PLEKHB2: variants seen among roughly 807,000 people sequenced by gnomAD.
PLEKHB2 encodes pleckstrin homology domain containing B2, also known as pleckstrin homology domain-containing family B member 2.
In PLEKHB2, 31 loss-of-function variants were observed where a neutral mutation model predicts 36.5. The observed-to-expected ratio is 0.85, with a 90% CI of 0.64 to 1.15. The LOEUF (loss-of-function observed/expected upper bound fraction) is 1.15. PLEKHB2 is among the 50% of genes most tolerant of loss of function. The pLI is 0.00. For synonymous variants in PLEKHB2, 119 were observed against 112.0 expected (o/e 1.06, Z -0.39); for missense variants, 262 against 295.3 (o/e 0.89, Z 0.83).
intron 1 of PLEKHB2, among the ~76,000 whole-genome samples, chr2:131,105,817 A>C (rs1393491503): frequency 2.0e-5 from 3 of 151,898 alleles, no homozygotes; most frequent in African/African-American, 4.8e-5. Flanking sequence ...AGTGTCCCAC[A>C]TGTCTGACTG....
At chr2:131,105,652 C>G (rs1275581582) in intron 1 of PLEKHB2, among the ~76,000 whole-genome samples, 1 of 152,170 alleles carries the variant, frequency 6.6e-6, no homozygotes, top group Non-Finnish European at 1.5e-5. Flanking sequence ...TTCGAGAGCC[C>G]TCCCAGTGGG....
rs1697149883 is a variant in PLEKHB2 at position 131,126,804 on chromosome 2, A to G, written c.293+18A>G. On this transcript the variant is annotated intron_variant, in intron 4 of 7. Transcript: ENST00000693505. ...GATTGCTTGTAAGTTTTGCTTTCTT[A>G]TGTGTTTAATTTAAAAAGTATTTTC... 1.5e-6 allele frequency: 2 copies of G among 1,343,278 alleles called. No homozygotes were observed. The highest frequency in any genetic ancestry group is 4.6e-5 in the East Asian group (2 of 43,702). 83.2% of individuals were successfully genotyped at this position (1,343,278 alleles called of 1,614,324 possible).
intron 2 of PLEKHB2, among the ~76,000 whole-genome samples, chr2:131,121,961 C>T (rs1034359830): frequency 8.6e-5 from 13 of 152,010 alleles, no homozygotes; most frequent in South Asian, 4.1e-4. Flanking sequence ...TGCCCAGGCG[C>T]GATCTTGGCT....
At chr2:131,107,239 C>T (rs1694835009) in intron 1 of PLEKHB2, among the ~76,000 whole-genome samples, 1 of 152,150 alleles carries the variant, frequency 6.6e-6, no homozygotes, top group Non-Finnish European at 1.5e-5. Flanking sequence ...GCTAATTGAC[C>T]CAGTTGTTTT....
chr2:131,130,833 T>C (rs1697601084), intron 5 of PLEKHB2, 73 bp downstream of exon 5: 3 of 1,070,290 alleles, frequency 2.8e-6, no homozygotes, highest in South Asian at 1.3e-5. Flanking sequence ...CAGGCTTGAG[T>C]GCAGTGGTGC....
intron 2 of PLEKHB2, among the ~76,000 whole-genome samples, chr2:131,123,783 C>G (rs1489296445): frequency 9.3e-6 from 1 of 107,942 alleles, no homozygotes; most frequent in Admixed American, 8.4e-5. Flanking sequence ...CCACCCCCCC[C>G]CCCGCCCCCC....
At chr2:131,139,709 A>C (rs1201400933) in intron 6 of PLEKHB2, among the ~76,000 whole-genome samples, 1 of 152,170 alleles carries the variant, frequency 6.6e-6, no homozygotes, top group African/African-American at 2.4e-5. Context: ...GGGCACCCTC[A>C]TCTTCCATAT....
intron 1 of PLEKHB2, among the ~76,000 whole-genome samples, chr2:131,106,621 G>A (rs1392253687): frequency 6.6e-6 from 1 of 152,130 alleles, no homozygotes; most frequent in Non-Finnish European, 1.5e-5. Flanking sequence ...GCTCAGGAGT[G>A]TTCCCTAGGT....
intron 1 of PLEKHB2, chr2:131,118,867 CAAAAAAAAAAAAAAAAA>C (rs138450500): frequency 0.01 from 461 of 45,242 alleles, 17 homozygotes; most frequent in African/African-American, 0.032. Flanking sequence ...GATTCCGTCT[CAAAAAAAAAAAAAAAAA>C]AAAAAAAAAA....
chr2:131,111,235 C>T (rs569353649), intron 1 of PLEKHB2, among the ~76,000 whole-genome samples: 2 of 151,866 alleles, frequency 1.3e-5, no homozygotes, highest in Non-Finnish European at 2.9e-5. Flanking sequence ...GAACTCCTGA[C>T]CCCAAGTGAT....
chr2:131,111,722 C>T (rs1343518111), intron 1 of PLEKHB2, among the ~76,000 whole-genome samples: 1 of 152,052 alleles, frequency 6.6e-6, no homozygotes, highest in Non-Finnish European at 1.5e-5. Context: ...AACTCCTGAC[C>T]TCAAGTGATC....
intron 7 of PLEKHB2, among the ~76,000 whole-genome samples, chr2:131,142,479 CTT>C (rs999337199): frequency 1.3e-5 from 2 of 149,302 alleles, no homozygotes; most frequent in African/African-American, 2.5e-5. Flanking sequence ...TTTTTCCTCT[CTT>C]TTTTTTTGCT....
chr2:131,116,234 C>T (rs1695859334), intron 1 of PLEKHB2, among the ~76,000 whole-genome samples: 1 of 152,092 alleles, frequency 6.6e-6, no homozygotes, highest in African/African-American at 2.4e-5. Flanking sequence ...GAATCTTACT[C>T]AAGTGGCCCG....
chr2:131,134,905 G>A (rs1040606460), intron 6 of PLEKHB2, among the ~76,000 whole-genome samples: 2 of 152,030 alleles, frequency 1.3e-5, no homozygotes, highest in African/African-American at 2.4e-5. Flanking sequence ...TCAGCATTTT[G>A]AGGTTTTCAG....
intron 4 of PLEKHB2, 65 bp from the exon 5 acceptor site, chr2:131,130,656 C>A: frequency 8.4e-7 from 1 of 1,189,150 alleles, no homozygotes; most frequent in Non-Finnish European, 1.3e-6. Flanking sequence ...TGATGCCAGC[C>A]CAGGTTTCAG....
At chr2:131,140,068 T>C in intron 6 of PLEKHB2, 99 bp from the exon 7 acceptor site, 1 of 656,850 alleles carries the variant, frequency 1.5e-6, no homozygotes, top group South Asian at 2.0e-5. Context: ...TTTTTTTAAT[T>C]GACTGTTGAA....
chr2:131,131,983 G>A (rs1381147141), intron 5 of PLEKHB2, among the ~76,000 whole-genome samples: 1 of 151,886 alleles, frequency 6.6e-6, no homozygotes, highest in Admixed American at 6.6e-5. Context: ...ACAGGCACGT[G>A]CCACCACGCC....
At chr2:131,119,837 T>G (rs544931769) in intron 1 of PLEKHB2, among the ~76,000 whole-genome samples, 1 of 152,274 alleles carries the variant, frequency 6.6e-6, no homozygotes, top group Admixed American at 6.5e-5. Flanking sequence ...ACGAGTTTGT[T>G]GTTCTTTTTT....
At chr2:131,116,639 G>A (rs961879775) in intron 1 of PLEKHB2, among the ~76,000 whole-genome samples, 15 of 152,120 alleles carry the variant, frequency 9.9e-5, no homozygotes, top group African/African-American at 1.7e-4. Flanking sequence ...AGTTGCCACC[G>A]TGATCCAGTC....
Sources: allele counts gnomAD v4.1 joint callset (sites outside exome capture counted in the v4.1 genomes callset), GRCh38; gene constraint gnomAD v4.1.1; transcripts MANE v1.5; gene names NCBI Gene and HGNC (gene_info 2026-07-23, HGNC 2026-07-21).